Variants in PIEZO2 observed in about 807,000 individuals in gnomAD.
PIEZO2 encodes piezo-type mechanosensitive ion channel component 2.
In PIEZO2, 172 loss-of-function variants were observed where a neutral mutation model predicts 337.3. That is an observed-to-expected ratio of 0.51 (90% CI 0.45 to 0.58). The LOEUF (loss-of-function observed/expected upper bound fraction) is 0.58. Among genes scored for constraint, PIEZO2 ranks in the 20% least tolerant of loss-of-function variants. PIEZO2 has a pLI of 0.00. For missense variants in PIEZO2, 3,028 were observed against 3,391.3 expected, an observed-to-expected ratio of 0.89 and a Z score of 2.66; for synonymous variants, 1,251 against 1,228.5, an observed-to-expected ratio of 1.02 and a Z score of -0.38.
At chr18:10,838,520 C>G (rs2041090980) in intron 7 of PIEZO2, among the ~76,000 whole-genome samples, 1 of 152,204 alleles carries the variant, frequency 6.6e-6, no homozygotes, top group South Asian at 2.1e-4. Flanking sequence ...ATTATGTTTG[C>G]AGGATACTGC....
At position 10,781,435 on chromosome 18, in the gene PIEZO2, A is replaced by C. The variant is rs2038977998; in HGVS notation, c.2493-1069T>G. Reference sequence around the variant, plus strand: ...CAGTGAGCCGAGATGGCACCACTGCACTCCAGCTTGGGCAACAGAGCGAGA... The same window carrying C: ...CAGTGAGCCGAGATGGCACCACTGCCCTCCAGCTTGGGCAACAGAGCGAGA... On this transcript the variant is annotated intron_variant, in intron 17 of 55. Coordinates refer to ENST00000674853, the MANE Select transcript of PIEZO2 (RefSeq NM_001378183.1). The surrounding 1 kb of genome is among the most constrained non-coding windows in gnomAD (Gnocchi z 4.1). Among the ~76,000 whole-genome samples the C allele has an allele frequency of 6.6e-6, 1 of 151,750 alleles. No homozygotes were observed. Among genetic ancestry groups the C allele is most frequent in the African/African-American group, 2.4e-5 (1 of 41,292 alleles).
rs2035579019 is a variant in PIEZO2, at chr18:11,002,470, G to A, written c.161-22810C>T. ...ACTTATGGGGAACAAACAAAGCACAGTGTTGACCCATTTGCAACACATCGT... is the reference window on the plus strand; with the variant it reads ...ACTTATGGGGAACAAACAAAGCACAATGTTGACCCATTTGCAACACATCGT... On this transcript the variant is annotated intron_variant, in intron 2 of 55. Transcript: ENST00000674853. The surrounding 1 kb of genome is among the most constrained non-coding windows in gnomAD (Gnocchi z 4.3). Among the ~76,000 whole-genome samples the A allele has an allele frequency of 6.6e-6, 1 of 152,202 alleles. No homozygotes were observed. Among genetic ancestry groups the A allele is most frequent in the Admixed American group, 6.5e-5 (1 of 15,282 alleles).
chr18:11,130,308 T>A (rs2040304314), intron 1 of PIEZO2, among the ~76,000 whole-genome samples: 1 of 152,238 alleles, frequency 6.6e-6, no homozygotes, highest in South Asian at 2.1e-4. Flanking sequence ...CTTGAGCAAA[T>A]TAACACATCT....
chr18:10,968,822 C>A (rs532616030), intron 3 of PIEZO2, among the ~76,000 whole-genome samples: 2 of 152,024 alleles, frequency 1.3e-5, no homozygotes, highest in African/African-American at 4.8e-5. Flanking sequence ...CATGAATCAC[C>A]ATGAAATGTT....
intron 1 of PIEZO2, among the ~76,000 whole-genome samples, chr18:11,117,423 A>T (rs1431274311): frequency 6.6e-6 from 1 of 152,188 alleles, no homozygotes; most frequent in Non-Finnish European, 1.5e-5. Context: ...TCAACATGAC[A>T]GCTCCAAAAG....
intron 3 of PIEZO2, among the ~76,000 whole-genome samples, chr18:10,959,128 T>A (rs1384669213): frequency 6.6e-6 from 1 of 152,194 alleles, no homozygotes; most frequent in Non-Finnish European, 1.5e-5. Context: ...TGCTTATTAG[T>A]AAAATGCATG....
At chr18:10,947,964 A>G (rs458624) in intron 3 of PIEZO2, among the ~76,000 whole-genome samples, 87,493 of 151,192 alleles carry the variant, frequency 0.58, 25,682 homozygotes, top group African/African-American at 0.65. Flanking sequence ...AAACAATTAA[A>G]ATAAAAATGA....
chr18:11,119,223 C>T (rs2039968853), intron 1 of PIEZO2, among the ~76,000 whole-genome samples: 1 of 150,178 alleles, frequency 6.7e-6, no homozygotes, highest in African/African-American at 2.5e-5. Flanking sequence ...TCTTGGCTCA[C>T]TGCAACCTCC....
chr18:10,886,868 G>T (rs1461192842), intron 4 of PIEZO2, among the ~76,000 whole-genome samples: 1 of 151,864 alleles, frequency 6.6e-6, no homozygotes, highest in East Asian at 1.9e-4. Flanking sequence ...TTAATAATTT[G>T]TAAAGAAAAG....
Position 10,784,661 on chromosome 18 carries a change from T to G in PIEZO2, c.2492+123A>C. On this transcript the variant is annotated intron_variant, in intron 17 of 55. Transcript: ENST00000674853. The surrounding 1 kb of genome is among the most constrained non-coding windows in gnomAD (Gnocchi z 4.5). ...TCCTCTTTTTCTCACAAGCTGATAC[T>G]CATGGAAAATTCAAGGCTGAAACTT... 1 of 929,266 alleles carries G rather than the reference T, an allele frequency of 1.1e-6. No homozygotes were observed. Among genetic ancestry groups the G allele is most frequent in the Non-Finnish European group, 1.5e-6 (1 of 648,358 alleles). 57.6% of individuals were successfully genotyped at this position (929,266 alleles called of 1,614,324 possible).
chr18:10,674,775 T>C (rs2033920097), intron 54 of PIEZO2, among the ~76,000 whole-genome samples: 1 of 152,212 alleles, frequency 6.6e-6, no homozygotes, highest in Non-Finnish European at 1.5e-5. Context: ...ATTGCGAAAA[T>C]TCAATCACTA....
At chr18:10,812,023 C>T (rs528042085) in intron 7 of PIEZO2, among the ~76,000 whole-genome samples, 10 of 152,052 alleles carry the variant, frequency 6.6e-5, no homozygotes, top group South Asian at 2.1e-4. Context: ...TTAGTAGAGA[C>T]GGGGTTTCAC....
At chr18:10,761,370 C>T (rs1263607072) in intron 23 of PIEZO2, among the ~76,000 whole-genome samples, 1 of 152,180 alleles carries the variant, frequency 6.6e-6, no homozygotes, top group African/African-American at 2.4e-5. Context: ...CTACTTCTCA[C>T]AACTACACAT....
At chr18:10,803,554 C>G (rs966807471) in intron 9 of PIEZO2, among the ~76,000 whole-genome samples, 1 of 152,152 alleles carries the variant, frequency 6.6e-6, no homozygotes, top group African/African-American at 2.4e-5. Flanking sequence ...GAAATTTTCA[C>G]CCTCCAGTGC....
chr18:11,070,699 G>A lies in PIEZO2; in HGVS notation c.65-4477C>T, dbSNP rs2038311585. On this transcript the variant is annotated intron_variant, in intron 1 of 55. Transcript: ENST00000674853. This position sits in a 1 kb window ranked among gnomAD's most constrained non-coding sequence, Gnocchi z 4.3. ...GGGCTTCAGCCCAGAAGGAAGGAAGGAAGTCAACCTATGGAAGTGCAGTGA... is the reference window on the plus strand; with the variant it reads ...GGGCTTCAGCCCAGAAGGAAGGAAGAAAGTCAACCTATGGAAGTGCAGTGA... 6.6e-6 allele frequency among the ~76,000 whole-genome samples: 1 copy of A among 152,218 alleles called. No individual in the cohort carries two copies. The highest frequency in any genetic ancestry group is 6.5e-5 in the Admixed American group (1 of 15,278).
At chr18:10,720,710 G>A (rs1423026206) in intron 36 of PIEZO2, among the ~76,000 whole-genome samples, 2 of 151,830 alleles carry the variant, frequency 1.3e-5, no homozygotes, top group African/African-American at 2.4e-5. Flanking sequence ...GTCCCAAGTT[G>A]CTGAGATTAC....
chr18:10,718,103 C>G, intron 37 of PIEZO2, 97 bp downstream of exon 37: 1 of 1,058,574 alleles, frequency 9.4e-7, no homozygotes, highest in Non-Finnish European at 1.4e-6. Flanking sequence ...AAACAGTGTT[C>G]GATTCACAAT....
chr18:10,998,856 T>C (rs1390234944), intron 2 of PIEZO2, among the ~76,000 whole-genome samples: 1 of 93,616 alleles, frequency 1.1e-5, no homozygotes, highest in Admixed American at 1.1e-4. Context: ...TTTTCTCAAA[T>C]ACAGCAAAAA....
At position 10,821,304 on chromosome 18, in the gene PIEZO2, G is replaced by C. The variant is rs2040515405; in HGVS notation, c.918-14030C>G. Among the ~76,000 whole-genome samples, 1 of 152,002 alleles carries C rather than the reference G, an allele frequency of 6.6e-6. No individual in the cohort carries two copies. The highest frequency in any genetic ancestry group is 2.4e-5 in the African/African-American group (1 of 41,382). ...CCATCATAAACCCACACTTCCAATA[G>C]CTCAGCATCTGAAAACAGTTGTTTC... is the stretch of plus-strand genomic sequence containing the variant. On this transcript the variant is annotated intron_variant, in intron 7 of 55. Coordinates refer to ENST00000674853, the MANE Select transcript of PIEZO2 (RefSeq NM_001378183.1). This position sits in a 1 kb window ranked among gnomAD's most constrained non-coding sequence, Gnocchi z 4.2.
Sources: gnomAD v4.1 joint callset for allele counts (sites outside exome capture counted in the v4.1 genomes callset) on GRCh38, gnomAD v4.1.1 for gene constraint, Gnocchi (gnomAD v3.1) non-coding constraint, MANE v1.5 for transcripts, NCBI Gene and HGNC (gene_info 2026-07-23, HGNC 2026-07-21) for gene names.